PDHX: variants seen among roughly 807,000 people sequenced by gnomAD.
PDHX encodes the protein pyruvate dehydrogenase complex component X, also known as pyruvate dehydrogenase protein X component, mitochondrial.
Under a neutral mutation model 55.3 loss-of-function variants are expected in PDHX, and 33 were observed. The ratio of observed to expected loss-of-function variants is 0.60; its 90% CI spans 0.45 to 0.80. The LOEUF (loss-of-function observed/expected upper bound fraction) is 0.80. Ranked by LOEUF, PDHX falls within the 30% of genes least tolerant of loss-of-function variation. The probability of loss-of-function intolerance (pLI) is 0.00; values close to 1 mark genes in which losing one functional copy is unlikely to be tolerated. For synonymous variants in PDHX, 226 were observed against 219.4 expected (o/e 1.03, Z -0.27); for missense variants, 622 against 619.9 (o/e 1.00, Z -0.04).
chr11:34,921,644 A>T, intron 1 of PDHX, among the ~76,000 whole-genome samples: 1 of 152,176 alleles, frequency 6.6e-6, no homozygotes, highest in East Asian at 1.9e-4. Flanking sequence ...TGCGCTAAGT[A>T]ATGACCAAGC....
In PDHX at chr11:34,966,679, G is replaced by A; in HGVS notation, c.681G>A (p.Lys227=). The A allele has an allele frequency of 6.2e-7, 1 of 1,614,026 alleles. No individual in the cohort carries two copies. The highest frequency in any genetic ancestry group is 1.1e-5 in the South Asian group (1 of 91,076). The change falls in exon 6 of 11, where the codon AAG becomes AAA. Residue 227 remains lysine, a synonymous_variant. Coordinates refer to ENST00000227868, the MANE Select transcript of PDHX (RefSeq NM_003477.3). ...LKLVQLKQTG[K]ITESRPTPAP... Reference sequence around the variant, plus strand: ...TTGTCCAGTTGAAACAAACGGGCAAGATTACCGAGTCCAGACCAACTCCAG... The same window carrying A: ...TTGTCCAGTTGAAACAAACGGGCAAAATTACCGAGTCCAGACCAACTCCAG...
intron 1 of PDHX, among the ~76,000 whole-genome samples, chr11:34,920,943 A>G (rs968474209): frequency 1.3e-5 from 2 of 152,222 alleles, no homozygotes; most frequent in East Asian, 1.9e-4. Flanking sequence ...TTTTGTAGGC[A>G]TCTGAGTTTT....
intron 9 of PDHX, chr11:34,984,990 AG>A: frequency 2.6e-6 from 1 of 383,460 alleles, no homozygotes; most frequent in Non-Finnish European, 4.7e-6. Context: ...GCTAAAGACA[AG>A]CTTTATTTTC....
intron 6 of PDHX, among the ~76,000 whole-genome samples, chr11:34,967,753 C>G (rs944465893): frequency 2.6e-5 from 4 of 152,044 alleles, no homozygotes; most frequent in African/African-American, 9.7e-5. Flanking sequence ...GAACTATATA[C>G]CATATGATAT....
intron 7 of PDHX, among the ~76,000 whole-genome samples, chr11:34,976,086 T>G (rs753014736): frequency 2.6e-5 from 4 of 152,202 alleles, no homozygotes; most frequent in Non-Finnish European, 5.9e-5. Flanking sequence ...GTTTTCTTAC[T>G]CTAATAAGGC....
chr11:34,927,413 G>A (rs1401257229), intron 1 of PDHX, among the ~76,000 whole-genome samples: 1 of 152,044 alleles, frequency 6.6e-6, no homozygotes, highest in Non-Finnish European at 1.5e-5. Flanking sequence ...GGAATAAGGA[G>A]GGAGTCTGCA....
chr11:34,980,971 C>T (rs1855497477), intron 8 of PDHX, among the ~76,000 whole-genome samples: 1 of 152,024 alleles, frequency 6.6e-6, no homozygotes, highest in Non-Finnish European at 1.5e-5. Flanking sequence ...GCAGGGTTTC[C>T]AGGCATTTCA....
chr11:34,977,480 A>G (rs184067071), intron 7 of PDHX, among the ~76,000 whole-genome samples: 59 of 152,270 alleles, frequency 3.9e-4, no homozygotes, highest in Non-Finnish European at 8.2e-4. Flanking sequence ...GGAGAACCTC[A>G]TTTTATTAAT....
At chr11:34,925,454 T>G (rs1853995802) in intron 1 of PDHX, among the ~76,000 whole-genome samples, 1 of 152,218 alleles carries the variant, frequency 6.6e-6, no homozygotes, top group Non-Finnish European at 1.5e-5. Context: ...CAAAATTGTA[T>G]GCTGTTATTC....
chr11:34,966,955 G>A, intron 6 of PDHX, 141 bp downstream of exon 6: 1 of 728,700 alleles, frequency 1.4e-6, no homozygotes, highest in Non-Finnish European at 2.4e-6. Context: ...AAGTTCAAGT[G>A]ATTCTCCTGC....
chr11:34,981,024 GT>G (rs1855499231), intron 8 of PDHX, among the ~76,000 whole-genome samples: 1 of 151,866 alleles, frequency 6.6e-6, no homozygotes, highest in African/African-American at 2.4e-5. Flanking sequence ...TATACTTTAA[GT>G]TTTAGGGTAC....
intron 3 of PDHX, among the ~76,000 whole-genome samples, chr11:34,948,592 C>A (rs1854681245): frequency 7.2e-6 from 1 of 139,054 alleles, no homozygotes; most frequent in African/African-American, 2.8e-5. Context: ...TTTTTTTTAG[C>A]CACTTATGTT....
chr11:34,972,767 A>G (rs938923824), intron 7 of PDHX, among the ~76,000 whole-genome samples: 15 of 152,060 alleles, frequency 9.9e-5, no homozygotes, highest in Non-Finnish European at 1.6e-4. Context: ...TTGATCGATG[A>G]GTTATTTGTA....
At chr11:34,956,907 A>C (rs1854916197) in intron 3 of PDHX, among the ~76,000 whole-genome samples, 1 of 152,232 alleles carries the variant, frequency 6.6e-6, no homozygotes, top group South Asian at 2.1e-4. Flanking sequence ...GACTAAGTTT[A>C]CTGAAAAGAT....
At chr11:34,978,547 A>T (rs921191872) in intron 8 of PDHX, among the ~76,000 whole-genome samples, 2 of 152,136 alleles carry the variant, frequency 1.3e-5, no homozygotes, top group African/African-American at 4.8e-5. Flanking sequence ...GGACAAAGTA[A>T]CTAGGGGTGA....
At chr11:34,933,125 T>C (rs1009728080) in intron 2 of PDHX, among the ~76,000 whole-genome samples, 16 of 152,370 alleles carry the variant, frequency 1.1e-4, no homozygotes, top group Non-Finnish European at 1.5e-4. Context: ...GCTGGACTTC[T>C]GAATATATCT....
chr11:34,995,227 A>G lies in PDHX; in HGVS notation c.*55A>G. 1 of 1,577,760 alleles carries G rather than the reference A, an allele frequency of 6.3e-7. No homozygotes were observed. On this transcript the variant is annotated 3_prime_UTR_variant, in exon 11 of 11. Transcript: ENST00000227868. ...TTAGTTGATTCAGTAGTTGTTACCA[A>G]GAAACATATGTTATAGGAAAACAAC...
intron 1 of PDHX, 111 bp downstream of exon 1, chr11:34,916,926 T>TC: frequency 9.4e-7 from 1 of 1,068,240 alleles, no homozygotes; most frequent in African/African-American, 1.6e-5. Context: ...GCGGGCTCCT[T>TC]ATTCCCTTTC....
upstream of PDHX, chr11:34,916,571 G>A (rs1853710899): frequency 1.1e-5 from 18 of 1,565,478 alleles, no homozygotes; most frequent in Admixed American, 1.8e-5. Flanking sequence ...CTAGCGTCTG[G>A]GGGCGTGGCC....
Sources: gnomAD v4.1 joint callset for allele counts (sites outside exome capture counted in the v4.1 genomes callset) on GRCh38, gnomAD v4.1.1 for gene constraint, MANE v1.5 for transcripts, NCBI Gene and HGNC (gene_info 2026-07-23, HGNC 2026-07-21) for gene names.